The following C12orf42 variants were observed in gnomAD, a reference collection of about 807,000 sequenced individuals.
C12orf42 encodes uncharacterized protein C12orf42.
Under a neutral mutation model 21.6 loss-of-function variants are expected in C12orf42, and 25 were observed. The ratio of observed to expected loss-of-function variants is 1.16; its 90% CI spans 0.84 to 1.62. The LOEUF (loss-of-function observed/expected upper bound fraction) is 1.62, where lower values mean the gene tolerates loss of function less well. C12orf42 is among the 40% of genes most tolerant of loss of function. The pLI, the probability that C12orf42 is intolerant of heterozygous loss-of-function variation, is 0.00. For missense variants in C12orf42, 483 were observed against 459.3 expected (o/e 1.05, Z -0.47); for synonymous variants, 174 against 175.0 (o/e 0.99, Z 0.05).
chr12:103,428,286 T>C (rs533951347), intron 2 of C12orf42, among the ~76,000 whole-genome samples: 18 of 152,184 alleles, frequency 1.2e-4, no homozygotes, highest in Admixed American at 3.3e-4. Flanking sequence ...ATAAAGGGGA[T>C]ATCACCACTG....
At chr12:103,209,743 C>A in the C12orf42 span, among the ~76,000 whole-genome samples, 1 of 152,174 alleles carries the variant, frequency 6.6e-6, no homozygotes, top group Non-Finnish European at 1.5e-5. Flanking sequence ...GATCCCTCCG[C>A]CTTGCTCTTC....
chr12:103,467,311 T>A (rs1192176171), intron 2 of C12orf42, among the ~76,000 whole-genome samples: 1 of 152,236 alleles, frequency 6.6e-6, no homozygotes, highest in African/African-American at 2.4e-5. Context: ...AGAATATCCT[T>A]CATTGTATTA....
chr12:103,197,876 G>C, the C12orf42 span, among the ~76,000 whole-genome samples: 5 of 152,184 alleles, frequency 3.3e-5, no homozygotes, highest in African/African-American at 1.2e-4. Context: ...ATTGTAGGGG[G>C]CTGGGACCAG....
chr12:103,294,547 A>G (rs546256730), intron 4 of C12orf42, among the ~76,000 whole-genome samples: 82 of 146,220 alleles, frequency 5.6e-4, no homozygotes, highest in African/African-American at 2.1e-3. Flanking sequence ...GCAAGCAAGA[A>G]AGAAAGAAAG....
At chr12:103,256,213 CTT>C (rs2034611922) in intron 10 of C12orf42, among the ~76,000 whole-genome samples, 1 of 137,982 alleles carries the variant, frequency 7.2e-6, no homozygotes, top group African/African-American at 2.7e-5. Context: ...TATAACTAAA[CTT>C]ATTGTAGTAG....
At chr12:103,369,578 A>C (rs909813061) in intron 3 of C12orf42, among the ~76,000 whole-genome samples, 3 of 150,916 alleles carry the variant, frequency 2.0e-5, no homozygotes, top group Admixed American at 6.6e-5. Flanking sequence ...GGCAGGGGAT[A>C]GGGAAGGGGG....
chr12:103,146,200 G>T, the C12orf42 span, among the ~76,000 whole-genome samples: 2 of 151,860 alleles, frequency 1.3e-5, no homozygotes, highest in Non-Finnish European at 2.9e-5. Context: ...AAAACATAGG[G>T]CTGGGCGTGG....
chr12:103,140,411 T>C, the C12orf42 span, among the ~76,000 whole-genome samples: 1 of 152,146 alleles, frequency 6.6e-6, no homozygotes, highest in Non-Finnish European at 1.5e-5. Context: ...ATAGATTGGC[T>C]CTTACGCTCT....
chr12:103,557,317 A>C, the C12orf42 span: 1 of 152,206 alleles, frequency 6.6e-6, no homozygotes, highest in South Asian at 2.1e-4. Flanking sequence ...GAGTGTTCAC[A>C]TGTGCAATTA....
At chr12:103,069,822 G>A in the C12orf42 span, among the ~76,000 whole-genome samples, 1,771 of 152,200 alleles carry the variant, frequency 0.012, 38 homozygotes, top group African/African-American at 0.04. Flanking sequence ...ATAGAATTGC[G>A]GTTGAAGTAT....
At chr12:103,250,037 A>T (rs1031508194) in intron 10 of C12orf42, among the ~76,000 whole-genome samples, 17 of 151,212 alleles carry the variant, frequency 1.1e-4, no homozygotes, top group Non-Finnish European at 2.4e-4. Flanking sequence ...ATATTTTTCC[A>T]CTTTTAAGAA....
intron 4 of C12orf42, among the ~76,000 whole-genome samples, chr12:103,336,603 T>C (rs1224972761): frequency 1.3e-5 from 2 of 152,204 alleles, no homozygotes; most frequent in African/African-American, 2.4e-5. Context: ...AATAAATGAA[T>C]ATATCCTAAA....
At chr12:103,440,663 C>T (rs1040108808) in intron 2 of C12orf42, among the ~76,000 whole-genome samples, 1 of 152,030 alleles carries the variant, frequency 6.6e-6, no homozygotes, top group Non-Finnish European at 1.5e-5. Context: ...TAAACCAGAA[C>T]TCAAAGATGT....
At chr12:103,381,791 C>T (rs557635684) in intron 3 of C12orf42, among the ~76,000 whole-genome samples, 1 of 152,206 alleles carries the variant, frequency 6.6e-6, no homozygotes, top group South Asian at 2.1e-4. Flanking sequence ...GTGGTGGGTG[C>T]TTTTAGTCCC....
intron 3 of C12orf42, among the ~76,000 whole-genome samples, chr12:103,388,542 G>A (rs999056990): frequency 6.6e-6 from 1 of 150,612 alleles, no homozygotes; most frequent in African/African-American, 2.4e-5. Context: ...TTTGCAAAAT[G>A]TTTATTCTTA....
the C12orf42 span, among the ~76,000 whole-genome samples, chr12:103,227,460 T>A: frequency 6.6e-6 from 1 of 151,412 alleles, no homozygotes; most frequent in Admixed American, 6.6e-5. Flanking sequence ...AAATAAGGGA[T>A]TGGGGTACAG....
At chr12:103,381,428 G>C (rs375642000) in intron 3 of C12orf42, among the ~76,000 whole-genome samples, 2 of 152,128 alleles carry the variant, frequency 1.3e-5, no homozygotes, top group Non-Finnish European at 2.9e-5. Flanking sequence ...CTCTTCTCTT[G>C]AGCTCTTACT....
At chr12:103,118,609 T>C in the C12orf42 span, among the ~76,000 whole-genome samples, 31 of 151,834 alleles carry the variant, frequency 2.0e-4, no homozygotes, top group Non-Finnish European at 2.4e-4. Flanking sequence ...CCATCCTGGC[T>C]AACACGGTGA....
chr12:103,486,571 C>T (rs1312304509), intron 1 of C12orf42, among the ~76,000 whole-genome samples: 2 of 152,130 alleles, frequency 1.3e-5, no homozygotes, highest in East Asian at 3.9e-4. Context: ...TGGAATTTGG[C>T]TATGAATCCA....
Sources: gnomAD v4.1 joint callset for allele counts (sites outside exome capture counted in the v4.1 genomes callset) on GRCh38, gnomAD v4.1.1 for gene constraint, MANE v1.5 for transcripts, NCBI Gene and HGNC (gene_info 2026-07-23, HGNC 2026-07-21) for gene names.